The following PDE1A variants were observed in gnomAD, a reference collection of about 807,000 sequenced individuals.
PDE1A encodes the protein dual specificity calcium/calmodulin-dependent 3',5'-cyclic nucleotide phosphodiesterase 1A.
Under a neutral mutation model 61.7 loss-of-function variants are expected in PDE1A, and 35 were observed. That is an observed-to-expected ratio of 0.57 (90% CI 0.43 to 0.75). PDE1A has a LOEUF of 0.75. Among genes scored for constraint, PDE1A ranks in the 30% least tolerant of loss-of-function variants. The pLI, the probability that PDE1A is intolerant of heterozygous loss-of-function variation, is 0.00. For synonymous variants in PDE1A, 232 were observed against 213.2 expected (o/e 1.09, Z -0.77); for missense variants, 597 against 630.6 (o/e 0.95, Z 0.57).
chr2:182,566,392 A>G, the PDE1A span, among the ~76,000 whole-genome samples: 7 of 152,158 alleles, frequency 4.6e-5, no homozygotes, highest in African/African-American at 1.7e-4. Context: ...AATAATTAAC[A>G]ATGAACATTA....
rs182012034 is a variant in PDE1A at position 182,473,032 on chromosome 2, T to C, written c.101+49244A>G. Among the ~76,000 whole-genome samples, 24 of 151,838 alleles carry C rather than the reference T, an allele frequency of 1.6e-4. No homozygotes were observed. In the East Asian group the frequency reaches 4.1e-3, roughly 26 times the overall value. On this transcript the variant is annotated intron_variant, in intron 2 of 14. Transcript: ENST00000410103. The stretch of plus-strand genomic sequence containing the variant: ...AATGTGCAAGTTAGTTACATATGTA[T>C]ACATGTGCCATGCTGGTGTGCTGCA...
chr2:182,590,182 G>A, the PDE1A span, among the ~76,000 whole-genome samples: 793 of 152,250 alleles, frequency 5.2e-3, 5 homozygotes, highest in African/African-American at 0.017. Flanking sequence ...GTGTATAAAC[G>A]TAGTTAGGCA....
intron 2 of PDE1A, among the ~76,000 whole-genome samples, chr2:182,517,379 A>G (rs574752669): frequency 6.6e-6 from 1 of 152,184 alleles, no homozygotes; most frequent in African/African-American, 2.4e-5. Flanking sequence ...CAATCCTCCC[A>G]CCTGGTTTTA....
At chr2:182,432,646 CT>C (rs1704015028) in intron 2 of PDE1A, among the ~76,000 whole-genome samples, 1 of 152,038 alleles carries the variant, frequency 6.6e-6, no homozygotes, top group Non-Finnish European at 1.5e-5. Context: ...AATACATATT[CT>C]TTTTCTAAAA....
intron 1 of PDE1A, among the ~76,000 whole-genome samples, chr2:182,270,384 C>T (rs1277190883): frequency 6.6e-6 from 1 of 152,008 alleles, no homozygotes; most frequent in African/African-American, 2.4e-5. Flanking sequence ...TAACCAAGTA[C>T]TCTGAATACC....
chr2:182,189,474 C>T (rs553657719), intron 10 of PDE1A, among the ~76,000 whole-genome samples: 20 of 152,236 alleles, frequency 1.3e-4, no homozygotes, highest in African/African-American at 3.6e-4. Flanking sequence ...AATTTTGTGA[C>T]GGAACTGTTT....
intron 1 of PDE1A, among the ~76,000 whole-genome samples, chr2:182,359,778 T>C (rs1474059045): frequency 6.6e-6 from 1 of 152,084 alleles, no homozygotes; most frequent in African/African-American, 2.4e-5. Flanking sequence ...GAGCTTCTAT[T>C]CCCTGCATTC....
the PDE1A span, among the ~76,000 whole-genome samples, chr2:182,715,387 C>T: frequency 6.6e-6 from 1 of 152,198 alleles, no homozygotes; most frequent in African/African-American, 2.4e-5. Context: ...ACTTCCTCTT[C>T]TTTCCTACCA....
the PDE1A span, among the ~76,000 whole-genome samples, chr2:182,550,020 C>T: frequency 6.6e-6 from 1 of 151,966 alleles, no homozygotes; most frequent in Non-Finnish European, 1.5e-5. Flanking sequence ...TTTTTCTAGC[C>T]ATCAATGAAG....
the PDE1A span, among the ~76,000 whole-genome samples, chr2:182,658,659 G>A: frequency 3.7e-4 from 57 of 152,266 alleles, no homozygotes; most frequent in Middle Eastern, 3.4e-3. Context: ...ATTAATAAGC[G>A]TAACAAGAAC....
At chr2:182,415,423 T>C (rs1036347100) in intron 1 of PDE1A, among the ~76,000 whole-genome samples, 2 of 152,166 alleles carry the variant, frequency 1.3e-5, no homozygotes, top group Non-Finnish European at 2.9e-5. Context: ...AAATATAGAT[T>C]AATAGGATGG....
At chr2:182,182,896 C>G (rs1442454296) in intron 13 of PDE1A, among the ~76,000 whole-genome samples, 1 of 152,114 alleles carries the variant, frequency 6.6e-6, no homozygotes, top group African/African-American at 2.4e-5. Flanking sequence ...TACCAGTTTA[C>G]TATATAGAAA....
intron 2 of PDE1A, chr2:182,241,891 T>C (rs1690543993): frequency 6.5e-7 from 1 of 1,541,846 alleles, no homozygotes. Context: ...TAAAGCAAAA[T>C]AGTTTGTTTA....
chr2:182,207,825 C>T (rs749163826), intron 7 of PDE1A, among the ~76,000 whole-genome samples: 13 of 152,320 alleles, frequency 8.5e-5, no homozygotes, highest in Admixed American at 2.0e-4. Flanking sequence ...TGCACGCATC[C>T]TGGACATTGT....
chr2:182,276,089 C>T (rs1693389510), intron 1 of PDE1A, among the ~76,000 whole-genome samples: 1 of 151,884 alleles, frequency 6.6e-6, no homozygotes, highest in South Asian at 2.1e-4. Context: ...TTCCTCTCTC[C>T]CTTCCTTCCT....
chr2:182,316,810 T>A (rs926469820), intron 1 of PDE1A, among the ~76,000 whole-genome samples: 4 of 152,188 alleles, frequency 2.6e-5, no homozygotes, highest in South Asian at 2.1e-4. Context: ...TTTTGAAAAT[T>A]GAAGGTAAAA....
chr2:182,669,804 T>C, the PDE1A span, among the ~76,000 whole-genome samples: 1 of 152,254 alleles, frequency 6.6e-6, no homozygotes, highest in Admixed American at 6.5e-5. Context: ...AAGCATACCC[T>C]GAAAATGCTC....
chr2:182,638,746 A>C, the PDE1A span, among the ~76,000 whole-genome samples: 1 of 152,236 alleles, frequency 6.6e-6, no homozygotes, highest in Non-Finnish European at 1.5e-5. Flanking sequence ...CAGAAGCAGT[A>C]AAAAGAAAAG....
chr2:182,257,896 G>A (rs748116516), intron 2 of PDE1A, among the ~76,000 whole-genome samples: 18 of 152,274 alleles, frequency 1.2e-4, no homozygotes, highest in South Asian at 6.2e-4. Context: ...AGCTGGGCGC[G>A]GTGGCTCACG....
Sources: allele counts gnomAD v4.1 joint callset (sites outside exome capture counted in the v4.1 genomes callset), GRCh38; gene constraint gnomAD v4.1.1; transcripts MANE v1.5; gene names NCBI Gene and HGNC (gene_info 2026-07-23, HGNC 2026-07-21).